CEP290: variants seen among roughly 807,000 people sequenced by gnomAD.
CEP290 encodes the protein centrosomal protein of 290 kDa.
Under a neutral mutation model 344.9 loss-of-function variants are expected in CEP290, and 317 were observed. That is an observed-to-expected ratio of 0.92 (90% confidence interval 0.84 to 1.01). CEP290 has a LOEUF of 1.01. Among genes scored for constraint, CEP290 ranks in the 50% least tolerant of loss-of-function variants. The pLI is 0.00. For missense variants in CEP290, 2,754 were observed against 2,761.4 expected (o/e 1.00, Z 0.06); for synonymous variants, 932 against 895.8 (o/e 1.04, Z -0.72).
In CEP290 at chr12:88,121,130, A is replaced by ATCTTT; in HGVS notation, c.1225_1226insAAAGA (p.Ile409LysfsTer7). The stretch of plus-strand genomic sequence containing the variant: ...TTTTAAAATGTCTAACGTTGACTGA[A>ATCTTT]TTTTCATATGAGTCTGTTGAGAAAG... On this transcript the variant is annotated frameshift_variant, in exon 14 of 54. Transcript: ENST00000552810. LOFTEE classifies it high-confidence loss of function. 1 of 1,613,370 alleles carries ATCTTT rather than the reference A, an allele frequency of 6.2e-7. No homozygotes were observed. The highest frequency in any genetic ancestry group is 8.5e-7 in the Non-Finnish European group (1 of 1,179,638).
Position 88,060,873 on chromosome 12 carries a change from C to G in CEP290, c.6479G>C (p.Ser2160Thr). Residue 2160 changes from serine to threonine, a missense_variant, in exon 47 of 54, where the codon AGT becomes ACT. By Grantham distance (58) the Ser-to-Thr change is moderately conservative (BLOSUM62 1). Transcript: ENST00000552810. ...QLKKASGILT[S>T]EKMANIEQEN... ...CTGCTCAATATTAGCCATTTTTTCA[C>G]TAGTCAATATTCCTGATGCTTTTTT... 1 of 1,539,346 alleles carries G rather than the reference C, an allele frequency of 6.5e-7. No homozygotes were observed. Among genetic ancestry groups the G allele is most frequent in the Non-Finnish European group, 8.7e-7 (1 of 1,143,806 alleles).
chr12:88,115,423 G>A (rs1013936907), intron 18 of CEP290: 16 of 1,135,554 alleles, frequency 1.4e-5, no homozygotes, highest in African/African-American at 6.3e-5. Context: ...AAGATATAAC[G>A]GTTTTTGTCT....
In CEP290 at chr12:88,139,202, A is replaced by G. The variant is rs200666995; in HGVS notation, c.251-11T>C. The G allele has an allele frequency of 1.0e-6, 1 of 982,388 alleles. No homozygotes were observed. Among genetic ancestry groups the G allele is most frequent in the Non-Finnish European group, 1.4e-6 (1 of 694,894 alleles). 60.9% of individuals were successfully genotyped at this position (982,388 alleles called of 1,614,324 possible). ...TTTTTAATTGATTTTCTATTTTTTT[A>G]AAAAAAAAGAAAAACGTTTTAATTG... On this transcript the variant is annotated splice_polypyrimidine_tract_variant and intron_variant, in intron 4 of 53. Coordinates refer to ENST00000552810, the MANE Select transcript of CEP290 (RefSeq NM_025114.4).
chr12:88,103,231 T>TA, intron 25 of CEP290: 1 of 294,906 alleles, frequency 3.4e-6, no homozygotes, highest in Non-Finnish European at 6.1e-6. Context: ...TAAAATACTT[T>TA]AATAACTCCT....
intron 44 of CEP290, among the ~76,000 whole-genome samples, chr12:88,067,570 T>C (rs1031699496): frequency 2.0e-5 from 3 of 152,204 alleles, no homozygotes; most frequent in African/African-American, 4.8e-5. Flanking sequence ...TATGTAGTTG[T>C]TGTGACTCAC....
chr12:88,055,628 G>A lies in CEP290; in HGVS notation c.6908C>T (p.Ala2303Val). The A allele has an allele frequency of 6.3e-7, 1 of 1,574,902 alleles. No homozygotes were observed. The change falls in exon 50 of 54, where the codon GCA (alanine) becomes GTA (valine). Residue 2303 changes from alanine to valine, a missense_variant. Ala to Val is a moderately conservative substitution (Grantham distance 64, BLOSUM62 0). Transcript: ENST00000552810. ...ITDLKQLVKE[A>V]TEREQKVNKY... The stretch of plus-strand genomic sequence containing the variant: ...GTTAACTTTTTGTTCTCTCTCTGTT[G>A]CTTCTTTTACAAGCTGTTTAAGGTC...
At chr12:88,103,071 C>A in intron 25 of CEP290, 60 bp from the exon 26 acceptor site, 1 of 1,047,050 alleles carries the variant, frequency 9.6e-7, no homozygotes, top group South Asian at 2.3e-5. Context: ...CAAGCACTAG[C>A]CACTTTTGAG....
At chr12:88,140,381 A>G (rs1441455288) in intron 3 of CEP290, among the ~76,000 whole-genome samples, 6 of 152,244 alleles carry the variant, frequency 3.9e-5, no homozygotes, top group Non-Finnish European at 7.3e-5. Context: ...AATTGCTGAT[A>G]GCATAAAATA....
intron 27 of CEP290, among the ~76,000 whole-genome samples, chr12:88,095,701 T>C (rs1233663436): frequency 2.0e-5 from 3 of 152,216 alleles, no homozygotes; most frequent in Non-Finnish European, 2.9e-5. Flanking sequence ...AGAACAGCTC[T>C]ATTTAGTAAT....
At chr12:88,125,182 T>G in intron 13 of CEP290, 64 bp downstream of exon 13, 1 of 521,018 alleles carries the variant, frequency 1.9e-6, no homozygotes. Flanking sequence ...CATTTTATTT[T>G]AATAAAAATA....
intron 8 of CEP290, 25 bp downstream of exon 8, chr12:88,130,520 G>A: frequency 1.3e-6 from 2 of 1,593,964 alleles, no homozygotes; most frequent in Non-Finnish European, 1.7e-6. Context: ...AAATTCCCAA[G>A]ATTTCACCAC....
In CEP290 at chr12:88,049,030, C is replaced by A; in HGVS notation, c.*154G>T. 2.3e-6 allele frequency: 1 copy of A among 436,580 alleles called. No homozygotes were observed. The highest frequency in any genetic ancestry group is 4.1e-6 in the Non-Finnish European group (1 of 246,816). The allele number at this position is 436,580 out of a possible 1,614,324, so 27.0% of individuals were successfully genotyped here. A position where few individuals can be genotyped will look rare whatever the true frequency, so the allele number is the denominator to read the frequency against. ...TACTTTTATAATAAGTTGAAAATTT[C>A]ATATAATTTTATTTATTAAGAATTC... On this transcript the variant is annotated 3_prime_UTR_variant, in exon 54 of 54. Transcript: ENST00000552810.
rs1183681937 is a variant in CEP290, at chr12:88,077,922, A to G, written c.5365-4T>C. On this transcript the variant is annotated splice_polypyrimidine_tract_variant and splice_region_variant and intron_variant, in intron 39 of 53. Coordinates refer to ENST00000552810, the MANE Select transcript of CEP290 (RefSeq NM_025114.4). ...CATTTAAATCTTCAACTTGTGTCTA[A>G]TAAGAGAAAAAGAAAGGTATTATTC... 2 of 1,218,924 alleles carry G rather than the reference A, an allele frequency of 1.6e-6. No individual in the cohort carries two copies. Among genetic ancestry groups the G allele is most frequent in the South Asian group, 1.5e-5 (1 of 68,244 alleles). 75.5% of individuals were successfully genotyped at this position (1,218,924 alleles called of 1,614,324 possible). A position where few individuals can be genotyped will look rare whatever the true frequency, so the allele number is the denominator to read the frequency against.
chr12:88,125,398 C>G (rs764766064), intron 12 of CEP290, 29 bp from the exon 13 acceptor site: 3 of 1,138,836 alleles, frequency 2.6e-6, no homozygotes, highest in Non-Finnish European at 3.4e-6. Flanking sequence ...CAATATATAT[C>G]CCTTCATGAA....
chr12:88,138,226 T>A (rs777101085), intron 5 of CEP290, among the ~76,000 whole-genome samples: 2 of 152,164 alleles, frequency 1.3e-5, no homozygotes, highest in Non-Finnish European at 2.9e-5. Flanking sequence ...CTTGATTTTA[T>A]CTATTCAGTT....
intron 28 of CEP290, among the ~76,000 whole-genome samples, chr12:88,093,133 T>C (rs1487830237): frequency 6.6e-6 from 1 of 152,152 alleles, no homozygotes. Flanking sequence ...CTGCTCATTA[T>C]ATTTTACTTC....
At chr12:88,131,639 A>G (rs1444478679) in intron 6 of CEP290, among the ~76,000 whole-genome samples, 1 of 152,192 alleles carries the variant, frequency 6.6e-6, no homozygotes, top group Non-Finnish European at 1.5e-5. Flanking sequence ...CAAAGTAGAA[A>G]ATGTTAAAGC....
At chr12:88,116,993 A>AT (rs1565894563) in intron 18 of CEP290, 40 bp downstream of exon 18, 12 of 1,058,436 alleles carry the variant, frequency 1.1e-5, no homozygotes, top group Admixed American at 1.1e-4. Flanking sequence ...AAAAAAAAAA[A>AT]ATATTTTCCT....
rs552297746 is a variant in CEP290 at position 88,055,444 on chromosome 12, G to T, written c.6960+132C>A. The T allele has an allele frequency of 4.2e-5, 28 of 662,624 alleles. No individual in the cohort carries two copies. In the East Asian group the frequency reaches 8.9e-4, roughly 21 times the overall value. The allele number at this position is 662,624 out of a possible 1,614,324, so 41.0% of individuals were successfully genotyped here. A position where few individuals can be genotyped will look rare whatever the true frequency, so the allele number is the denominator to read the frequency against. ...CCAAAGTTTCTGGCTTAAGCAAATG[G>T]GTGAATGGGGTGCCCTTCAGTTAGA... On this transcript the variant is annotated intron_variant, in intron 50 of 53. Transcript: ENST00000552810.
Sources: gnomAD v4.1 joint callset for allele counts (sites outside exome capture counted in the v4.1 genomes callset) on GRCh38, gnomAD v4.1.1 for gene constraint, MANE v1.5 for transcripts, NCBI Gene and HGNC (gene_info 2026-07-23, HGNC 2026-07-21) for gene names.